The following GNB1 variants were observed in gnomAD, a reference collection of about 807,000 sequenced individuals.
GNB1 encodes G protein subunit beta 1, also known as guanine nucleotide-binding protein G(I)/G(S)/G(T) subunit beta-1.
Under a neutral mutation model 42.9 loss-of-function variants are expected in GNB1, and 2 were observed. The observed-to-expected ratio is 0.05, with a 90% CI of 0.02 to 0.15. The LOEUF (loss-of-function observed/expected upper bound fraction) is 0.15, where lower values mean the gene tolerates loss of function less well. Ranked by LOEUF, GNB1 falls within the 10% of genes least tolerant of loss-of-function variation. The probability of loss-of-function intolerance (pLI) is 1.00; values close to 1 mark genes in which losing one functional copy is unlikely to be tolerated. For synonymous variants in GNB1, 183 were observed against 174.7 expected (o/e 1.05, Z -0.38); for missense variants, 193 against 462.2 (o/e 0.42, Z 5.34).
chr1:1,834,196 C>T (rs1330008960), intron 2 of GNB1, among the ~76,000 whole-genome samples: 1 of 152,044 alleles, frequency 6.6e-6, no homozygotes, highest in Non-Finnish European at 1.5e-5. Flanking sequence ...GGTCACAAAG[C>T]CCTCAGAAGG....
At chr1:1,885,997 G>A (rs986733819) in intron 1 of GNB1, among the ~76,000 whole-genome samples, 1 of 151,432 alleles carries the variant, frequency 6.6e-6, no homozygotes, top group Non-Finnish European at 1.5e-5. Context: ...AAGAACAAGA[G>A]GCTAAAAGGT....
intron 1 of GNB1, among the ~76,000 whole-genome samples, chr1:1,845,170 G>T (rs1489403759): frequency 6.6e-6 from 1 of 152,016 alleles, no homozygotes; most frequent in Non-Finnish European, 1.5e-5. Context: ...ACCAAAAAAA[G>T]GTCTAAAGAC....
At chr1:1,800,766 A>AAAAG (rs1557887104) in intron 7 of GNB1, among the ~76,000 whole-genome samples, 1 of 151,884 alleles carries the variant, frequency 6.6e-6, no homozygotes, top group African/African-American at 2.4e-5. Flanking sequence ...AAAAAAAAAA[A>AAAAG]AAAAAGAAAA....
intron 1 of GNB1, among the ~76,000 whole-genome samples, chr1:1,859,921 C>T (rs1343920004): frequency 1.3e-5 from 2 of 151,672 alleles, no homozygotes; most frequent in South Asian, 2.1e-4. Flanking sequence ...GGAGAGGGGA[C>T]GGAAAGCATT....
intron 1 of GNB1, among the ~76,000 whole-genome samples, chr1:1,875,642 G>C (rs1202074462): frequency 6.6e-6 from 1 of 152,170 alleles, no homozygotes; most frequent in Non-Finnish European, 1.5e-5. Flanking sequence ...CCAAAGTGCT[G>C]AGCTTACAGG....
At chr1:1,829,049 T>C (rs1647039488) in intron 2 of GNB1, among the ~76,000 whole-genome samples, 1 of 152,064 alleles carries the variant, frequency 6.6e-6, no homozygotes, top group Non-Finnish European at 1.5e-5. Context: ...AGGATAAAGA[T>C]ATATTTTCTT....
intron 4 of GNB1, among the ~76,000 whole-genome samples, chr1:1,816,496 TTTTC>T (rs942553058): frequency 1.3e-5 from 2 of 152,150 alleles, no homozygotes; most frequent in African/African-American, 4.8e-5. Flanking sequence ...CCTAATTTTT[TTTTC>T]TTTAACTTAC....
intron 3 of GNB1, among the ~76,000 whole-genome samples, chr1:1,818,936 G>C (rs1557901223): frequency 6.6e-6 from 1 of 152,060 alleles, no homozygotes; most frequent in African/African-American, 2.4e-5. Context: ...TGGAAAACGA[G>C]CAAGGGACCT....
At chr1:1,835,292 C>T (rs1348412938) in intron 2 of GNB1, among the ~76,000 whole-genome samples, 1 of 152,208 alleles carries the variant, frequency 6.6e-6, no homozygotes, top group African/African-American at 2.4e-5. Context: ...AACCCAGACT[C>T]TATCTCTTCT....
rs199933933 is a variant in GNB1, at chr1:1,789,010, C to T, written c.916+43G>A. 45 of 1,364,658 alleles carry T rather than the reference C, an allele frequency of 3.3e-5. 1 individual carries two copies. In the East Asian group the frequency reaches 5.1e-4, roughly 15 times the overall value. The allele number at this position is 1,364,658 out of a possible 1,614,324, so 84.5% of individuals were successfully genotyped here. On this transcript the variant is annotated intron_variant, in intron 10 of 11. Transcript: ENST00000378609. ...CTCTGTGTTTGCTCTAAAGATACCA[C>T]GTAAATGTCCACAAGACACAGAAAG...
intron 1 of GNB1, among the ~76,000 whole-genome samples, chr1:1,845,600 AAAT>A (rs773319374): frequency 4.6e-5 from 7 of 151,898 alleles, no homozygotes; most frequent in Admixed American, 2.6e-4. Flanking sequence ...AATAAAATAA[AAAT>A]AATAATAATA....
At chr1:1,805,890 C>A (rs1646690253) in intron 6 of GNB1, among the ~76,000 whole-genome samples, 1 of 152,180 alleles carries the variant, frequency 6.6e-6, no homozygotes, top group Non-Finnish European at 1.5e-5. Flanking sequence ...TTCCTACAAT[C>A]TACCCTGCCA....
chr1:1,878,756 G>T (rs1649683835), intron 1 of GNB1, among the ~76,000 whole-genome samples: 1 of 151,962 alleles, frequency 6.6e-6, no homozygotes, highest in African/African-American at 2.4e-5. Context: ...CCCCTTTATG[G>T]GCGCTGCCCT....
At chr1:1,832,607 A>C (rs1359287185) in intron 2 of GNB1, among the ~76,000 whole-genome samples, 1 of 152,214 alleles carries the variant, frequency 6.6e-6, no homozygotes, top group Non-Finnish European at 1.5e-5. Context: ...TCATATTTGC[A>C]ATGCAATGTG....
intron 1 of GNB1, among the ~76,000 whole-genome samples, chr1:1,878,137 A>T (rs775659757): frequency 2.6e-5 from 4 of 152,224 alleles, no homozygotes; most frequent in Non-Finnish European, 5.9e-5. Context: ...AGCACCTATC[A>T]GAGCTGATGT....
chr1:1,827,101 T>C (rs1195615697), intron 2 of GNB1, among the ~76,000 whole-genome samples: 2 of 152,246 alleles, frequency 1.3e-5, no homozygotes, highest in African/African-American at 4.8e-5. Flanking sequence ...AAAATCTAAC[T>C]GATAGCAGTT....
intron 1 of GNB1, among the ~76,000 whole-genome samples, chr1:1,841,390 G>C (rs932115396): frequency 2.6e-5 from 4 of 152,142 alleles, no homozygotes; most frequent in African/African-American, 9.7e-5. Flanking sequence ...ATGTTGGCCA[G>C]GCTGGTCTCA....
At chr1:1,882,203 C>A (rs907117783) in intron 1 of GNB1, among the ~76,000 whole-genome samples, 2 of 152,108 alleles carry the variant, frequency 1.3e-5, no homozygotes, top group African/African-American at 4.8e-5. Flanking sequence ...AATCCTAACA[C>A]TTTGGGAGGC....
chr1:1,886,656 A>G (rs1650173744), intron 1 of GNB1, among the ~76,000 whole-genome samples: 1 of 151,920 alleles, frequency 6.6e-6, no homozygotes, highest in African/African-American at 2.4e-5. Flanking sequence ...CTCTCCAACC[A>G]CTCTTAACAA....
Sources: gnomAD v4.1 joint callset for allele counts (sites outside exome capture counted in the v4.1 genomes callset) on GRCh38, gnomAD v4.1.1 for gene constraint, MANE v1.5 for transcripts, NCBI Gene and HGNC (gene_info 2026-07-23, HGNC 2026-07-21) for gene names.